Variants in KCNJ1 observed in about 807,000 individuals in gnomAD.
KCNJ1 encodes the protein potassium inwardly rectifying channel subfamily J member 1.
A neutral mutation model predicts 21.9 loss-of-function variants in KCNJ1; 24 were observed. The ratio of observed to expected loss-of-function variants is 1.10; its 90% CI spans 0.79 to 1.54. The LOEUF (loss-of-function observed/expected upper bound fraction) is 1.54, where lower values mean the gene tolerates loss of function less well. Among genes scored for constraint, KCNJ1 ranks in the 40% most tolerant of loss-of-function variants. KCNJ1 has a pLI of 0.00. For missense variants in KCNJ1, 457 were observed against 455.4 expected, an observed-to-expected ratio of 1.00 and a Z score of -0.03; for synonymous variants, 152 against 160.9, an observed-to-expected ratio of 0.94 and a Z score of 0.42.
chr11:128,847,205 T>C (rs1368848158), intron 2 of KCNJ1, among the ~76,000 whole-genome samples: 1 of 152,180 alleles, frequency 6.6e-6, no homozygotes. Context: ...CCAGATCCTA[T>C]GCAAGTCCTT....
At chr11:128,858,155 G>GGAGGGATGGC (rs1191322323) in intron 1 of KCNJ1, among the ~76,000 whole-genome samples, 8 of 150,622 alleles carry the variant, frequency 5.3e-5, no homozygotes, top group South Asian at 2.1e-4. Context: ...CGAGGGTTGG[G>GGAGGGATGGC]GAGGGATGGC....
At chr11:128,862,495 G>T (rs1056695459) in intron 1 of KCNJ1, among the ~76,000 whole-genome samples, 29 of 152,154 alleles carry the variant, frequency 1.9e-4, no homozygotes, top group African/African-American at 5.6e-4. Context: ...GTGTCCTACC[G>T]CCCCCTCCAT....
intron 1 of KCNJ1, among the ~76,000 whole-genome samples, chr11:128,859,220 G>A (rs923403356): frequency 2.6e-5 from 4 of 152,218 alleles, no homozygotes; most frequent in African/African-American, 9.6e-5. Context: ...GAGGTTTAGA[G>A]AATTTTAAAA....
chr11:128,841,165 G>A (rs1216744382), intron 2 of KCNJ1, among the ~76,000 whole-genome samples: 1 of 152,100 alleles, frequency 6.6e-6, no homozygotes, highest in Non-Finnish European at 1.5e-5. Context: ...TTCCCAAAAG[G>A]AATAGTATGA....
chr11:128,857,060 C>T (rs1018661855), intron 1 of KCNJ1, among the ~76,000 whole-genome samples: 1 of 152,112 alleles, frequency 6.6e-6, no homozygotes, highest in African/African-American at 2.4e-5. Flanking sequence ...AAAGTCATCC[C>T]CTCTGTCACC....
At chr11:128,861,287 G>A (rs1052238284) in intron 1 of KCNJ1, among the ~76,000 whole-genome samples, 1 of 152,240 alleles carries the variant, frequency 6.6e-6, no homozygotes, top group African/African-American at 2.4e-5. Flanking sequence ...CTGAAGCAGG[G>A]CTGCAGCATT....
chr11:128,845,507 G>A (rs1260798166), intron 2 of KCNJ1, among the ~76,000 whole-genome samples: 1 of 152,192 alleles, frequency 6.6e-6, no homozygotes, highest in Non-Finnish European at 1.5e-5. Context: ...GATCTGCAAA[G>A]GTTCAGAGCC....
chr11:128,838,917 T>C lies in KCNJ1; in HGVS notation c.*208A>G. 3.4e-6 allele frequency: 2 copies of C among 594,504 alleles called. No homozygotes were observed. The highest frequency in any genetic ancestry group is 4.1e-5 in the South Asian group (2 of 49,298). 36.8% of individuals were successfully genotyped at this position (594,504 alleles called of 1,614,324 possible). ...CTATGTCTTCCATACACCAGTTTCA[T>C]ATAAATGCATTGCACGTTCTAATAC... On this transcript the variant is annotated 3_prime_UTR_variant, in exon 3 of 3. Transcript: ENST00000392666.
Position 128,838,779 on chromosome 11 carries a change from A to G in KCNJ1, c.*346T>C. Reference sequence around the variant, plus strand: ...TCTAAAGTTCATAACTTCTTTAAGGAAACTTTAAAAAATATTTTGTTTGGC... The same window carrying G: ...TCTAAAGTTCATAACTTCTTTAAGGGAACTTTAAAAAATATTTTGTTTGGC... On this transcript the variant is annotated 3_prime_UTR_variant, in exon 3 of 3. Coordinates refer to ENST00000392666, the MANE Select transcript of KCNJ1 (RefSeq NM_153766.3). The G allele has an allele frequency of 3.9e-6, 1 of 254,120 alleles. No homozygotes were observed. Among genetic ancestry groups the G allele is most frequent in the East Asian group, 9.9e-5 (1 of 10,122 alleles). The allele number at this position is 254,120 out of a possible 1,614,324, so 15.7% of individuals were successfully genotyped here.
chr11:128,854,027 G>A (rs1002219288), intron 1 of KCNJ1, among the ~76,000 whole-genome samples: 4 of 152,114 alleles, frequency 2.6e-5, no homozygotes, highest in Admixed American at 2.0e-4. Context: ...AGGCTGGCCC[G>A]TGGGCCCTCA....
chr11:128,840,047 A>T lies in KCNJ1; in HGVS notation c.197T>A (p.Ile66Asn), dbSNP rs189845122. The T allele has an allele frequency of 6.8e-6, 11 of 1,614,232 alleles. No homozygotes were observed. The East Asian group carries it at 2.2e-4, about 33-fold the overall frequency. ...LKWRYKMTIF[I>N]TAFLGSWFFF... ...AAACCAACTCCCCAAGAAGGCTGTG[A>T]TGAAAATGGTCATTTTGTATCTCCA... is the stretch of plus-strand genomic sequence containing the variant. Residue 66 changes from isoleucine to asparagine, a missense_variant, in exon 3 of 3, where the codon ATC becomes AAC. By Grantham distance (149) the Ile-to-Asn change is moderately radical. Transcript: ENST00000392666.
intron 1 of KCNJ1, among the ~76,000 whole-genome samples, chr11:128,860,227 G>C (rs1263719512): frequency 6.6e-6 from 1 of 152,246 alleles, no homozygotes; most frequent in African/African-American, 2.4e-5. Context: ...AATCCGGATG[G>C]ATGAGCGACA....
chr11:128,855,574 T>C (rs1943573166), intron 1 of KCNJ1, among the ~76,000 whole-genome samples: 2 of 152,306 alleles, frequency 1.3e-5, no homozygotes, highest in East Asian at 1.9e-4. Context: ...AGTGAGGGGA[T>C]AGGCTATAAG....
chr11:128,858,527 G>A (rs946229525), intron 1 of KCNJ1, among the ~76,000 whole-genome samples: 1 of 152,160 alleles, frequency 6.6e-6, no homozygotes, highest in Non-Finnish European at 1.5e-5. Flanking sequence ...GGTGAGGGAA[G>A]ACAAGATGTA....
intron 1 of KCNJ1, among the ~76,000 whole-genome samples, chr11:128,865,898 T>A (rs927760432): frequency 6.6e-6 from 1 of 152,186 alleles, no homozygotes; most frequent in Non-Finnish European, 1.5e-5. Flanking sequence ...ATTAAAGCAT[T>A]AAAGATTAAG....
At chr11:128,858,152 T>G (rs1439699840) in intron 1 of KCNJ1, among the ~76,000 whole-genome samples, 35 of 102,176 alleles carry the variant, frequency 3.4e-4, no homozygotes, top group Admixed American at 4.3e-4. Flanking sequence ...AGGCGAGGGT[T>G]GGGGAGGGAT....
chr11:128,867,023 A>G (rs2135966836), intron 1 of KCNJ1, 150 bp downstream of exon 1: 1 of 152,362 alleles, frequency 6.6e-6, no homozygotes, highest in Admixed American at 6.5e-5. Context: ...AAAAGCATCC[A>G]GTGAGTGAGT....
At chr11:128,845,054 A>G (rs1339437708) in intron 2 of KCNJ1, among the ~76,000 whole-genome samples, 2 of 152,222 alleles carry the variant, frequency 1.3e-5, no homozygotes, top group African/African-American at 4.8e-5. Flanking sequence ...TTCTATGAAA[A>G]AATTACTGCT....
intron 1 of KCNJ1, among the ~76,000 whole-genome samples, chr11:128,864,074 CTTTTTTT>C (rs71472076): frequency 3.3e-4 from 29 of 86,688 alleles, no homozygotes; most frequent in East Asian, 6.6e-4. Context: ...CTTTTTCTCT[CTTTTTTT>C]TTTTTTTTTT....
Sources: gnomAD v4.1 joint callset for allele counts (sites outside exome capture counted in the v4.1 genomes callset) on GRCh38, gnomAD v4.1.1 for gene constraint, MANE v1.5 for transcripts, NCBI Gene and HGNC (gene_info 2026-07-23, HGNC 2026-07-21) for gene names.